The following MYO7B variants were observed in gnomAD, a reference collection of about 807,000 sequenced individuals.
The protein encoded by MYO7B is unconventional myosin-VIIb.
MYO7B carries 212 observed loss-of-function variants against 259.7 expected under a neutral mutation model. That is an observed-to-expected ratio of 0.82 (90% confidence interval 0.73 to 0.91). The LOEUF is 0.91. Ranked by LOEUF, MYO7B falls within the 40% of genes least tolerant of loss-of-function variation. The pLI is 0.00. For synonymous variants in MYO7B, 1,197 were observed against 1,166.4 expected, an observed-to-expected ratio of 1.03 and a Z score of -0.54; for missense variants, 2,732 against 2,813.5, an observed-to-expected ratio of 0.97 and a Z score of 0.66.
chr2:127,624,083 CTG>C lies in MYO7B; in HGVS notation c.3820-9_3820-8del, dbSNP rs1680981496. The C allele has an allele frequency of 6.4e-7, 1 of 1,552,724 alleles. No homozygotes were observed. The highest frequency in any genetic ancestry group is 8.7e-7 in the Non-Finnish European group (1 of 1,147,952). ...AGCCGCTAACCCCTGCTCCCCGACT[CTG>C]GCCTCAGTTCTGGTCCCTGGGCAGC... On this transcript the variant is annotated splice_region_variant and splice_polypyrimidine_tract_variant and intron_variant, in intron 29 of 47. Transcript: ENST00000409816.
chr2:127,595,913 G>T (rs1023604918), intron 18 of MYO7B, among the ~76,000 whole-genome samples: 2 of 152,182 alleles, frequency 1.3e-5, no homozygotes, highest in Non-Finnish European at 2.9e-5. Context: ...GTAAGTGCAT[G>T]TGGTGCCGAG....
At chr2:127,550,152 C>T (rs1693392660) in intron 1 of MYO7B, among the ~76,000 whole-genome samples, 1 of 152,122 alleles carries the variant, frequency 6.6e-6, no homozygotes, top group Non-Finnish European at 1.5e-5. Flanking sequence ...CCAGGATTCA[C>T]GAGCTTCTCA....
intron 15 of MYO7B, 73 bp downstream of exon 15, chr2:127,588,628 GACTGTTTT>G: frequency 6.4e-7 from 1 of 1,573,040 alleles, no homozygotes; most frequent in Non-Finnish European, 8.6e-7. Flanking sequence ...GTACAGGAAA[GACTGTTTT>G]ACTCACCTCT....
chr2:127,544,962 T>C (rs1026022769), intron 1 of MYO7B, among the ~76,000 whole-genome samples: 2 of 152,120 alleles, frequency 1.3e-5, no homozygotes, highest in African/African-American at 4.8e-5. Context: ...CCTGACCTCA[T>C]GATCCGCCCG....
At chr2:127,610,199 G>C (rs1405752567) in intron 24 of MYO7B, among the ~76,000 whole-genome samples, 183 bp downstream of exon 24, 1 of 152,168 alleles carries the variant, frequency 6.6e-6, no homozygotes, top group African/African-American at 2.4e-5. Context: ...CCATGTTCAG[G>C]AGCTCATGAA....
intron 19 of MYO7B, among the ~76,000 whole-genome samples, chr2:127,599,592 C>T (rs1679887271): frequency 6.6e-6 from 1 of 152,086 alleles, no homozygotes; most frequent in Non-Finnish European, 1.5e-5. Flanking sequence ...TTTGCTTTGT[C>T]CTTTATCTTA....
In MYO7B at chr2:127,559,489, A is replaced by G. The variant is rs1021108529; in HGVS notation, c.-23-211A>G. ...ACTGGGTATGAAATACGTCTTCAAT[A>G]AAGGTGACATAGGATGAAGAAGCTG... On this transcript the variant is annotated intron_variant, in intron 1 of 47. Transcript: ENST00000409816. This position sits in a 1 kb window ranked among gnomAD's most constrained non-coding sequence, Gnocchi z 4.1. Among the ~76,000 whole-genome samples the G allele has an allele frequency of 5.3e-5, 8 of 152,182 alleles. No individual in the cohort carries two copies. Among genetic ancestry groups the G allele is most frequent in the African/African-American group, 1.9e-4 (8 of 41,428 alleles).
rs1678857416 is a variant in MYO7B, at chr2:127,576,173, TG to T, written c.736-419del. ...GAGATTGCACCACTGCACTCTAGCT[TG>T]GGTGACAGAGCAAGACCTTCTCTCG... On this transcript the variant is annotated intron_variant, in intron 7 of 47. Transcript: ENST00000409816. The surrounding 1 kb of genome is among the most constrained non-coding windows in gnomAD (Gnocchi z 4.9). Among the ~76,000 whole-genome samples the T allele has an allele frequency of 1.3e-5, 2 of 151,360 alleles. No homozygotes were observed. Among genetic ancestry groups the T allele is most frequent in the Non-Finnish European group, 2.9e-5 (2 of 67,884 alleles).
Position 127,615,589 on chromosome 2 carries a change from C to T in MYO7B, c.3398+2986C>T, listed in dbSNP as rs966741759. Reference sequence around the variant, plus strand: ...ATTACTAACAGGCTTCAGGTGTGCCCTGTAGATAATCACAAGAAACACTTG... The same window carrying T: ...ATTACTAACAGGCTTCAGGTGTGCCTTGTAGATAATCACAAGAAACACTTG... On this transcript the variant is annotated intron_variant, in intron 26 of 47. Transcript: ENST00000409816. The surrounding 1 kb of genome is among the most constrained non-coding windows in gnomAD (Gnocchi z 4.4). Among the ~76,000 whole-genome samples the T allele has an allele frequency of 1.3e-5, 2 of 152,000 alleles. No homozygotes were observed. The highest frequency in any genetic ancestry group is 2.9e-5 in the Non-Finnish European group (2 of 67,996).
chr2:127,564,200 G>A lies in MYO7B; in HGVS notation c.66G>A (p.Val22=), dbSNP rs1327286979. ...LEPPSTHKTG[V]AIGGIIKEAK... is the part of the protein sequence containing the mutation. ...CTCCCTCCACCCACAAGACCGGCGT[G>A]GCCATCGGGGGCATCATCAAAGAGG... The change falls in exon 3 of 48, where the codon GTG becomes GTA. Residue 22 remains valine (V), a synonymous_variant. Coordinates refer to ENST00000409816, the MANE Select transcript of MYO7B (RefSeq NM_001393586.1). The A allele has an allele frequency of 1.5e-5, 24 of 1,578,056 alleles. No homozygotes were observed. Among genetic ancestry groups the A allele is most frequent in the Non-Finnish European group, 2.1e-5 (24 of 1,162,536 alleles).
At chr2:127,543,832 C>T (rs1185968727) in intron 1 of MYO7B, among the ~76,000 whole-genome samples, 1 of 151,732 alleles carries the variant, frequency 6.6e-6, no homozygotes, top group Non-Finnish European at 1.5e-5. Flanking sequence ...GCAAGCTCCC[C>T]CTGCCGGGTT....
Position 127,581,990 on chromosome 2 carries a change from C to T in MYO7B, c.1180C>T (p.Arg394Trp), listed in dbSNP as rs370453120. Residue 394 changes from arginine (R) to tryptophan (W), a missense_variant, in exon 11 of 48, where the codon CGG becomes TGG. Coordinates refer to ENST00000409816, the MANE Select transcript of MYO7B (RefSeq NM_001393586.1). ...RSLNIAQAAD[R>W]RDAFVKGIYG... Reference sequence around the variant, plus strand: ...CCTGAACATTGCCCAGGCTGCTGACCGGAGGGACGCCTTTGTCAAGGTACA... The same window carrying T: ...CCTGAACATTGCCCAGGCTGCTGACTGGAGGGACGCCTTTGTCAAGGTACA... 34 of 1,613,860 alleles carry T rather than the reference C, an allele frequency of 2.1e-5. No individual in the cohort carries two copies. The highest frequency in any genetic ancestry group is 2.6e-5 in the Non-Finnish European group (31 of 1,179,866).
Position 127,627,082 on chromosome 2 carries a change from C to T in MYO7B, c.4323C>T (p.Ile1441=). ...TCTTCTCCCGGCTCTTCGAAGTCAT[C>T]ACACTCTCAGGTAATGGCATCTGAC... ...PLLFSRLFEV[I]TLSGPRLPKT... The change falls in exon 32 of 48, where the codon ATC becomes ATT. Residue 1441 remains isoleucine (I), a synonymous_variant. Coordinates refer to ENST00000409816, the MANE Select transcript of MYO7B (RefSeq NM_001393586.1). The surrounding 1 kb of genome is among the most constrained non-coding windows in gnomAD (Gnocchi z 5.6). 6.2e-7 allele frequency: 1 copy of T among 1,610,802 alleles called. No homozygotes were observed. Among genetic ancestry groups the T allele is most frequent in the Non-Finnish European group, 8.5e-7 (1 of 1,178,876 alleles).
At chr2:127,616,510 C>T (rs1479523916) in intron 26 of MYO7B, among the ~76,000 whole-genome samples, 2 of 152,226 alleles carry the variant, frequency 1.3e-5, no homozygotes, top group Non-Finnish European at 2.9e-5. Flanking sequence ...TTCTCCTTCA[C>T]AATCCGAATC....
In MYO7B at chr2:127,630,911, G is replaced by A; in HGVS notation, c.4937+3G>A. On this transcript the variant is annotated splice_donor_region_variant and intron_variant, in intron 36 of 47. Transcript: ENST00000409816. Reference sequence around the variant, plus strand: ...GAGTTCTCCTATGAGTTCTTCAGGTGCCCCCCAGCCCCGCTCCGCCTCATT... The same window carrying A: ...GAGTTCTCCTATGAGTTCTTCAGGTACCCCCCAGCCCCGCTCCGCCTCATT... The A allele has an allele frequency of 1.9e-6, 3 of 1,562,290 alleles. No individual in the cohort carries two copies. The highest frequency in any genetic ancestry group is 2.6e-6 in the Non-Finnish European group (3 of 1,153,392).
intron 1 of MYO7B, among the ~76,000 whole-genome samples, chr2:127,556,348 G>A (rs1270530122): frequency 1.3e-5 from 2 of 152,132 alleles, no homozygotes; most frequent in Non-Finnish European, 2.9e-5. Flanking sequence ...TATCCATTCT[G>A]CCATTCTGTA....
intron 4 of MYO7B, among the ~76,000 whole-genome samples, chr2:127,566,172 C>T (rs768722540): frequency 1.7e-4 from 26 of 152,236 alleles, no homozygotes; most frequent in Non-Finnish European, 3.2e-4. Flanking sequence ...CTGCCTGCCG[C>T]ACCCCCTGAG....
At position 127,628,586 on chromosome 2, in the gene MYO7B, G is replaced by A. The variant is rs915596472; in HGVS notation, c.4624+51G>A. 4 of 1,372,576 alleles carry A rather than the reference G, an allele frequency of 2.9e-6. No homozygotes were observed. Among genetic ancestry groups the A allele is most frequent in the African/African-American group, 2.8e-5 (2 of 70,422 alleles). 85.0% of individuals were successfully genotyped at this position (1,372,576 alleles called of 1,614,324 possible). On this transcript the variant is annotated intron_variant, in intron 34 of 47. Transcript: ENST00000409816. The surrounding 1 kb of genome is among the most constrained non-coding windows in gnomAD (Gnocchi z 4.8). ...GGGTGGGGTGGGGTGGGGGAGGGCC[G>A]CGCATGGGGTCTGTAGGTAGGTGGC...
At chr2:127,547,334 G>A (rs985293985) in intron 1 of MYO7B, among the ~76,000 whole-genome samples, 3 of 152,178 alleles carry the variant, frequency 2.0e-5, no homozygotes, top group East Asian at 1.9e-4. Context: ...GTTGAAAATC[G>A]CAGCCTCTGC....
Sources: gnomAD v4.1 joint callset for allele counts (sites outside exome capture counted in the v4.1 genomes callset) on GRCh38, gnomAD v4.1.1 for gene constraint, Gnocchi (gnomAD v3.1) non-coding constraint, MANE v1.5 for transcripts, NCBI Gene and HGNC (gene_info 2026-07-23, HGNC 2026-07-21) for gene names.